FAM171B: variants seen among roughly 807,000 people sequenced by gnomAD.
The protein encoded by FAM171B is protein FAM171B.
FAM171B carries 19 observed loss-of-function variants against 75.6 expected under a neutral mutation model. That is an observed-to-expected ratio of 0.25 (90% CI 0.18 to 0.37). FAM171B has a LOEUF of 0.37. FAM171B is among the 10% of genes least tolerant of loss of function. The pLI is 1.00. For missense variants in FAM171B, 848 were observed against 982.4 expected (o/e 0.86, Z 1.83); for synonymous variants, 367 against 361.7 (o/e 1.01, Z -0.17).
chr2:186,726,173 T>C (rs1429867669), intron 1 of FAM171B, among the ~76,000 whole-genome samples: 1 of 152,238 alleles, frequency 6.6e-6, no homozygotes, highest in African/African-American at 2.4e-5. Context: ...GGAGATCATG[T>C]CTTTATTCTC....
intron 6 of FAM171B, among the ~76,000 whole-genome samples, chr2:186,759,253 T>C (rs771135053): frequency 3.9e-5 from 6 of 152,144 alleles, no homozygotes; most frequent in Non-Finnish European, 7.4e-5. Flanking sequence ...CGTGCTGCAA[T>C]GAACATGGGC....
At position 186,740,354 on chromosome 2, in the gene FAM171B, C is replaced by T; in HGVS notation, c.365C>T (p.Ala122Val). The T allele has an allele frequency of 6.2e-7, 1 of 1,614,014 alleles. No homozygotes were observed. The highest frequency in any genetic ancestry group is 8.5e-7 in the Non-Finnish European group (1 of 1,179,948). Residue 122 changes from alanine to valine, a missense_variant, in exon 2 of 8, where the codon GCA (alanine) becomes GTA (valine). Around this residue, in one of 3 missense-constraint regions of FAM171B, gnomAD observed 665 missense variants for 729.0 expected, o/e 0.91. Coordinates refer to ENST00000304698, the MANE Select transcript of FAM171B (RefSeq NM_177454.4). ...TNSTVTKSNGAVLIKVPYKLG... is the reference protein window; with the variant it reads ...TNSTVTKSNGVVLIKVPYKLG... ...TCCACAGTAACTAAAAGCAATGGAG[C>T]AGTGCTGATAAAAGTACCCTACAAA...
At chr2:186,702,477 T>C (rs572656504) in intron 1 of FAM171B, among the ~76,000 whole-genome samples, 12 of 152,200 alleles carry the variant, frequency 7.9e-5, no homozygotes, top group Non-Finnish European at 1.2e-4. Context: ...GCCTCTTTAA[T>C]TGGCGTTTTG....
chr2:186,723,191 A>G (rs1299502144), intron 1 of FAM171B, among the ~76,000 whole-genome samples: 1 of 152,192 alleles, frequency 6.6e-6, no homozygotes, highest in Non-Finnish European at 1.5e-5. Flanking sequence ...TACCCTAGCA[A>G]ATGGATCTAA....
At chr2:186,740,522 CTGTT>C (rs1426614641) in intron 2 of FAM171B, 61 bp downstream of exon 2, 6 of 1,375,996 alleles carry the variant, frequency 4.4e-6, no homozygotes, top group Admixed American at 2.0e-5. Flanking sequence ...ATTATTTTCT[CTGTT>C]TGGGGGATAT....
intron 1 of FAM171B, among the ~76,000 whole-genome samples, chr2:186,734,131 G>A (rs1225598470): frequency 6.6e-6 from 1 of 152,174 alleles, no homozygotes; most frequent in Non-Finnish European, 1.5e-5. Context: ...GCTCTCAGGA[G>A]ACTGTAGGAT....
At chr2:186,752,473 T>C (rs946088108) in intron 5 of FAM171B, among the ~76,000 whole-genome samples, 1 of 152,218 alleles carries the variant, frequency 6.6e-6, no homozygotes, top group Non-Finnish European at 1.5e-5. Flanking sequence ...TTAAGAACTC[T>C]AAGATTTGGA....
At chr2:186,698,921 C>A (rs893455803) in intron 1 of FAM171B, among the ~76,000 whole-genome samples, 1 of 152,034 alleles carries the variant, frequency 6.6e-6, no homozygotes, top group Non-Finnish European at 1.5e-5. Flanking sequence ...TACTTAATGT[C>A]CTCCTGTTCC....
At chr2:186,701,992 A>G (rs1312009499) in intron 1 of FAM171B, among the ~76,000 whole-genome samples, 2 of 152,240 alleles carry the variant, frequency 1.3e-5, no homozygotes, top group African/African-American at 4.8e-5. Context: ...AAATGGATAC[A>G]CTATTTTGTA....
chr2:186,717,816 T>A (rs149140669), intron 1 of FAM171B, among the ~76,000 whole-genome samples: 38 of 152,256 alleles, frequency 2.5e-4, no homozygotes, highest in East Asian at 1.9e-4. Flanking sequence ...AGCACATGAC[T>A]TATTAATGCA....
chr2:186,717,587 T>G (rs1689891941), intron 1 of FAM171B, among the ~76,000 whole-genome samples: 1 of 152,146 alleles, frequency 6.6e-6, no homozygotes, highest in Non-Finnish European at 1.5e-5. Flanking sequence ...CCTTCTCTCT[T>G]GTATTCCATG....
chr2:186,714,121 A>ATT lies in FAM171B; in HGVS notation c.238+19722_238+19723dup, dbSNP rs11458662. On this transcript the variant is annotated intron_variant, in intron 1 of 7. Coordinates refer to ENST00000304698, the MANE Select transcript of FAM171B (RefSeq NM_177454.4). ...TAGAATTCTGCTGTCAGCAGATGAA[A>ATT]TTTTTTTTTTTTTAATACTTACCTC... is the stretch of plus-strand genomic sequence containing the variant. Among the ~76,000 whole-genome samples, 1,003 of 148,846 alleles carry ATT rather than the reference A, an allele frequency of 6.7e-3. 6 individuals carry two copies. Among genetic ancestry groups the ATT allele is most frequent in the Admixed American group, 0.022 (322 of 14,956 alleles).
chr2:186,728,383 A>C (rs1457144297), intron 1 of FAM171B, among the ~76,000 whole-genome samples: 1 of 152,184 alleles, frequency 6.6e-6, no homozygotes, highest in Non-Finnish European at 1.5e-5. Context: ...AGAATTATAC[A>C]TCAAGGAAAG....
chr2:186,699,827 A>C (rs1167784978), intron 1 of FAM171B, among the ~76,000 whole-genome samples: 1 of 152,116 alleles, frequency 6.6e-6, no homozygotes, highest in African/African-American at 2.4e-5. Flanking sequence ...GTCTAGTTTT[A>C]TTCTTCTGCA....
At chr2:186,697,675 A>G (rs990704867) in intron 1 of FAM171B, among the ~76,000 whole-genome samples, 1 of 152,198 alleles carries the variant, frequency 6.6e-6, no homozygotes, top group African/African-American at 2.4e-5. Context: ...TGGACATGCC[A>G]CATGAAAAAC....
In FAM171B at chr2:186,762,970, C is replaced by G. The variant is rs551215725; in HGVS notation, c.*147C>G. 4.2e-6 allele frequency: 4 copies of G among 951,910 alleles called. No individual in the cohort carries two copies. In the East Asian group the frequency reaches 1.0e-4, roughly 25 times the overall value. The allele number at this position is 951,910 out of a possible 1,614,324, so 59.0% of individuals were successfully genotyped here. On this transcript the variant is annotated 3_prime_UTR_variant, in exon 8 of 8. Coordinates refer to ENST00000304698, the MANE Select transcript of FAM171B (RefSeq NM_177454.4). The surrounding 1 kb of genome is among the most constrained non-coding windows in gnomAD (Gnocchi z 4.0). ...GCAGAGTAAATGGTAATTCAGTAAT[C>G]AGAGAGAAAGATACCAAGGAATGCT...
intron 1 of FAM171B, among the ~76,000 whole-genome samples, chr2:186,702,631 T>G (rs1416499659): frequency 6.6e-6 from 1 of 152,238 alleles, no homozygotes; most frequent in African/African-American, 2.4e-5. Flanking sequence ...CCAGTTTATT[T>G]GGGCCTAAAA....
chr2:186,740,422 G>A lies in FAM171B; in HGVS notation c.433G>A (p.Val145Met), dbSNP rs139449443. The change falls in exon 2 of 8, where the codon GTG becomes ATG. Residue 145 changes from valine to methionine, a missense_variant. Coordinates refer to ENST00000304698, the MANE Select transcript of FAM171B (RefSeq NM_177454.4). Reference sequence around the variant, plus strand: ...TATTATTGCTTACAAAGATGGCTACGTGTTGACCCCTCTGCCTTGGAAAAC... The same window carrying A: ...TATTATTGCTTACAAAGATGGCTACATGTTGACCCCTCTGCCTTGGAAAAC... The part of the protein sequence containing the change: ...LTIIAYKDGY[V>M]LTPLPWKTRR... 21 of 1,613,638 alleles carry A rather than the reference G, an allele frequency of 1.3e-5. No homozygotes were observed. The African/African-American group carries it at 2.1e-4, about 16-fold the overall frequency.
chr2:186,731,088 A>G (rs1246020861), intron 1 of FAM171B, among the ~76,000 whole-genome samples: 1 of 152,204 alleles, frequency 6.6e-6, no homozygotes, highest in East Asian at 1.9e-4. Flanking sequence ...CATGCGGTTT[A>G]TCATGTTTTT....
Sources: allele counts gnomAD v4.1 joint callset (sites outside exome capture counted in the v4.1 genomes callset), GRCh38; gene constraint gnomAD v4.1.1; regional missense constraint gnomAD v4.1.1; non-coding constraint Gnocchi (gnomAD v3.1); transcripts MANE v1.5; gene names NCBI Gene and HGNC (gene_info 2026-07-23, HGNC 2026-07-21).